MACROD2: variants seen among roughly 807,000 people sequenced by gnomAD.
MACROD2 encodes the protein ADP-ribose glycohydrolase MACROD2.
Under a neutral mutation model 70.4 loss-of-function variants are expected in MACROD2, and 36 were observed. That is an observed-to-expected ratio of 0.51 (90% CI 0.39 to 0.68). MACROD2 has a LOEUF of 0.68. MACROD2 is among the 30% of genes least tolerant of loss of function. MACROD2 has a pLI of 0.00. For missense variants in MACROD2, 496 were observed against 538.4 expected, an observed-to-expected ratio of 0.92 and a Z score of 0.78; for synonymous variants, 172 against 178.8, an observed-to-expected ratio of 0.96 and a Z score of 0.30.
At chr20:15,093,086 C>T (rs2075803945) in intron 5 of MACROD2, among the ~76,000 whole-genome samples, 1 of 152,116 alleles carries the variant, frequency 6.6e-6, no homozygotes, top group South Asian at 2.1e-4. Context: ...CAATATCCCA[C>T]CATGCCACAT....
chr20:15,701,612 C>A (rs1456769754), intron 8 of MACROD2, among the ~76,000 whole-genome samples: 1 of 151,948 alleles, frequency 6.6e-6, no homozygotes, highest in African/African-American at 2.4e-5. Context: ...AGAAAATATC[C>A]TTAATATAGT....
At chr20:14,621,574 A>G (rs904580015) in intron 4 of MACROD2, among the ~76,000 whole-genome samples, 4 of 152,156 alleles carry the variant, frequency 2.6e-5, no homozygotes, top group East Asian at 1.9e-4. Context: ...TCAGCATAAC[A>G]TGGGAAATGT....
intron 15 of MACROD2, among the ~76,000 whole-genome samples, chr20:16,021,536 G>A (rs2067001205): frequency 6.6e-6 from 1 of 152,160 alleles, no homozygotes; most frequent in African/African-American, 2.4e-5. Context: ...CCAGTGGCCT[G>A]AACACTGCCT....
intron 3 of MACROD2, among the ~76,000 whole-genome samples, chr20:14,271,186 C>G (rs1229712741): frequency 6.6e-6 from 1 of 152,228 alleles, no homozygotes; most frequent in Non-Finnish European, 1.5e-5. Context: ...GGCAGACTGC[C>G]TCCTCAAGTG....
intron 15 of MACROD2, among the ~76,000 whole-genome samples, chr20:15,998,659 G>T (rs1357133529): frequency 6.7e-6 from 1 of 150,222 alleles, no homozygotes; most frequent in East Asian, 2.0e-4. Context: ...CCGCCTCCTG[G>T]GTTCATGCCA....
intron 6 of MACROD2, among the ~76,000 whole-genome samples, chr20:15,414,118 C>G (rs1460498029): frequency 1.3e-5 from 2 of 152,064 alleles, no homozygotes; most frequent in African/African-American, 4.8e-5. Context: ...ATTTCTTTCA[C>G]TTTTACTGCC....
chr20:15,520,714 G>C (rs1238726597), intron 8 of MACROD2, among the ~76,000 whole-genome samples: 1 of 152,062 alleles, frequency 6.6e-6, no homozygotes. Flanking sequence ...AGTCAGACGG[G>C]CCCCTGATAT....
chr20:14,975,032 C>T (rs949294114), intron 5 of MACROD2, among the ~76,000 whole-genome samples: 6 of 151,988 alleles, frequency 3.9e-5, no homozygotes, highest in Non-Finnish European at 8.8e-5. Context: ...TGGAGGTTGT[C>T]CTATACATTG....
At chr20:15,998,848 G>A (rs544275881) in intron 15 of MACROD2, among the ~76,000 whole-genome samples, 3 of 152,172 alleles carry the variant, frequency 2.0e-5, no homozygotes, top group African/African-American at 7.2e-5. Context: ...ACAGGCATGA[G>A]CCACCACACC....
chr20:15,685,412 G>GA (rs1371512321), intron 8 of MACROD2, among the ~76,000 whole-genome samples: 14 of 152,226 alleles, frequency 9.2e-5, no homozygotes, highest in African/African-American at 3.1e-4. Context: ...GCTAAACCAG[G>GA]AGGTGAACAC....
At chr20:15,790,632 A>G (rs1251758570) in intron 8 of MACROD2, among the ~76,000 whole-genome samples, 1 of 151,960 alleles carries the variant, frequency 6.6e-6, no homozygotes, top group Admixed American at 6.6e-5. Context: ...AGAAAAACCA[A>G]AGGAGGAGCC....
At chr20:15,187,641 CTGA>C (rs1160152501) in intron 5 of MACROD2, among the ~76,000 whole-genome samples, 2 of 152,140 alleles carry the variant, frequency 1.3e-5, no homozygotes, top group African/African-American at 4.8e-5. Context: ...TGATTAAACT[CTGA>C]TGATGTTTTC....
rs370762687 is a variant in MACROD2, at chr20:14,674,702, A to G, written c.302-10141A>G. Among the ~76,000 whole-genome samples the G allele has an allele frequency of 1.1e-4, 17 of 152,258 alleles. 1 individual carries two copies. The East Asian group carries it at 2.5e-3, about 22-fold the overall frequency. On this transcript the variant is annotated intron_variant, in intron 4 of 17. Coordinates refer to ENST00000684519, the MANE Select transcript of MACROD2 (RefSeq NM_001351661.2). ...GCACATCTTCAAAATATGTGACATT[A>G]TTATTGTTGTTGTTAATATTATTAT...
chr20:14,156,298 A>G (rs1391133480), intron 3 of MACROD2, among the ~76,000 whole-genome samples: 1 of 152,230 alleles, frequency 6.6e-6, no homozygotes, highest in East Asian at 1.9e-4. Context: ...CCCAAATAAA[A>G]TAGAGAAACA....
chr20:15,040,702 T>G (rs2075349486), intron 5 of MACROD2, among the ~76,000 whole-genome samples: 1 of 152,230 alleles, frequency 6.6e-6, no homozygotes, highest in Non-Finnish European at 1.5e-5. Context: ...ATCGGAACAT[T>G]GTTCAGCAGA....
At chr20:15,427,006 GTC>G (rs984705706) in intron 6 of MACROD2, among the ~76,000 whole-genome samples, 2 of 145,776 alleles carry the variant, frequency 1.4e-5, no homozygotes, top group African/African-American at 5.2e-5. Context: ...CTCTCTCCCT[GTC>G]TCTCTCTGTC....
chr20:14,650,412 G>A (rs184489553), intron 4 of MACROD2, among the ~76,000 whole-genome samples: 1 of 152,276 alleles, frequency 6.6e-6, no homozygotes, highest in East Asian at 1.9e-4. Flanking sequence ...AACAACTTTA[G>A]TAATTATCTC....
chr20:14,669,907 T>C (rs2070775995), intron 4 of MACROD2, among the ~76,000 whole-genome samples: 1 of 151,960 alleles, frequency 6.6e-6, no homozygotes, highest in African/African-American at 2.4e-5. Context: ...TAGACTCTAT[T>C]AATAATGGGT....
At chr20:15,664,404 G>A (rs550591054) in intron 8 of MACROD2, among the ~76,000 whole-genome samples, 1 of 152,288 alleles carries the variant, frequency 6.6e-6, no homozygotes, top group Non-Finnish European at 1.5e-5. Flanking sequence ...ATTTCTTGTA[G>A]TAGGTAATTG....
Sources: allele counts gnomAD v4.1 joint callset (sites outside exome capture counted in the v4.1 genomes callset), GRCh38; gene constraint gnomAD v4.1.1; transcripts MANE v1.5; gene names NCBI Gene and HGNC (gene_info 2026-07-23, HGNC 2026-07-21).